Variants in SYT9 observed in about 807,000 individuals in gnomAD.
SYT9 encodes synaptotagmin 9.
SYT9 carries 22 observed loss-of-function variants against 48.4 expected under a neutral mutation model. The observed-to-expected ratio is 0.45, with a 90% CI of 0.32 to 0.65. SYT9 has a LOEUF of 0.65. SYT9 is among the 30% of genes least tolerant of loss of function. SYT9 has a pLI of 0.03. For synonymous variants in SYT9, 265 were observed against 245.0 expected, an observed-to-expected ratio of 1.08 and a Z score of -0.76; for missense variants, 577 against 622.0, an observed-to-expected ratio of 0.93 and a Z score of 0.77.
At chr11:7,240,543 C>T (rs942179167) in intron 1 of SYT9, among the ~76,000 whole-genome samples, 5 of 152,136 alleles carry the variant, frequency 3.3e-5, no homozygotes, top group South Asian at 4.1e-4. Context: ...GCTTTGAATA[C>T]GTCTTCTAGC....
chr11:7,444,777 T>C (rs1212035586), intron 6 of SYT9, among the ~76,000 whole-genome samples: 3 of 152,074 alleles, frequency 2.0e-5, no homozygotes, highest in Non-Finnish European at 2.9e-5. Flanking sequence ...AGCTGGGACT[T>C]TGCCTTTGAT....
chr11:7,313,679 A>C lies in SYT9; in HGVS notation c.782A>C (p.Lys261Thr). 1 of 1,614,224 alleles carries C rather than the reference A, an allele frequency of 6.2e-7. No individual in the cohort carries two copies. The highest frequency in any genetic ancestry group is 8.5e-7 in the Non-Finnish European group (1 of 1,180,026). ...TCTGGGACTTCAGATCCTTATGTCA[A>C]GATCTATTTGCTTCCTGATCGGAAA... ...DFSGTSDPYV[K>T]IYLLPDRKTK... The change falls in exon 3 of 7, where the codon AAG (lysine) becomes ACG (threonine). Residue 261 changes from lysine (K) to threonine (T), a missense_variant. Transcript: ENST00000318881.
Position 7,406,682 on chromosome 11 carries a change from CGGATTTCCTTTCCTTTGGT to C in SYT9, c.1045-9359_1045-9341del, listed in dbSNP as rs914571896. Among the ~76,000 whole-genome samples the C allele has an allele frequency of 3.3e-5, 5 of 151,928 alleles. 1 individual carries two copies. Among genetic ancestry groups the C allele is most frequent in the Non-Finnish European group, 7.4e-5 (5 of 67,956 alleles). On this transcript the variant is annotated intron_variant, in intron 3 of 6. Coordinates refer to ENST00000318881, the MANE Select transcript of SYT9 (RefSeq NM_175733.4). ...CAAGTGCAGGTATCCCTCTGATACA[CGGATTTCCTTTCCTTTGGT>C]TAAATACCTGGTAGTGGCATTGCTG...
At chr11:7,390,648 G>T (rs1026158849) in intron 3 of SYT9, among the ~76,000 whole-genome samples, 1 of 152,110 alleles carries the variant, frequency 6.6e-6, no homozygotes, top group Non-Finnish European at 1.5e-5. Context: ...ATAGAAATTT[G>T]TCCCCTATGA....
chr11:7,390,206 C>G (rs1238909786), intron 3 of SYT9, among the ~76,000 whole-genome samples: 1 of 152,174 alleles, frequency 6.6e-6, no homozygotes, highest in Non-Finnish European at 1.5e-5. Context: ...CATTGTTCAA[C>G]TCCCACTTAT....
chr11:7,436,219 G>A (rs1847706609), intron 6 of SYT9, among the ~76,000 whole-genome samples: 2 of 152,190 alleles, frequency 1.3e-5, no homozygotes, highest in African/African-American at 4.8e-5. Flanking sequence ...GTGCTGCTGA[G>A]CAGGACATGC....
intron 3 of SYT9, among the ~76,000 whole-genome samples, chr11:7,328,157 C>A (rs186924888): frequency 6.6e-6 from 1 of 151,348 alleles, no homozygotes; most frequent in African/African-American, 2.4e-5. Flanking sequence ...TTTTAACTTA[C>A]AAATTTCCTA....
At chr11:7,415,686 T>C (rs16926139) in intron 3 of SYT9, among the ~76,000 whole-genome samples, 11,122 of 151,632 alleles carry the variant, frequency 0.073, 1,315 homozygotes, top group African/African-American at 0.25. Flanking sequence ...CATAGGGGAG[T>C]CTGTGGAGGA....
At chr11:7,412,161 T>C (rs1412916907) in intron 3 of SYT9, among the ~76,000 whole-genome samples, 1 of 152,260 alleles carries the variant, frequency 6.6e-6, no homozygotes, top group Non-Finnish European at 1.5e-5. Flanking sequence ...GTAATTTGAA[T>C]TATTTACCCA....
chr11:7,406,024 C>T (rs193064500), intron 3 of SYT9, among the ~76,000 whole-genome samples: 23 of 152,200 alleles, frequency 1.5e-4, no homozygotes, highest in African/African-American at 5.5e-4. Context: ...TCTTATAGAG[C>T]TTACATTCCT....
At chr11:7,274,341 A>G (rs1387724766) in intron 1 of SYT9, among the ~76,000 whole-genome samples, 10 of 130,862 alleles carry the variant, frequency 7.6e-5, no homozygotes, top group Non-Finnish European at 1.6e-4. Context: ...TTTTTTTGAC[A>G]GAGTCTTACT....
chr11:7,343,027 G>A (rs921252344), intron 3 of SYT9, among the ~76,000 whole-genome samples: 18 of 152,288 alleles, frequency 1.2e-4, no homozygotes, highest in African/African-American at 4.3e-4. Context: ...GGGATGTAGG[G>A]CACCAAGTCT....
intron 3 of SYT9, among the ~76,000 whole-genome samples, chr11:7,404,890 A>C (rs888030069): frequency 1.3e-5 from 2 of 152,198 alleles, no homozygotes; most frequent in African/African-American, 4.8e-5. Flanking sequence ...TACAGATCAC[A>C]GAAAGAGTTT....
chr11:7,335,519 A>C (rs780194873), intron 3 of SYT9, among the ~76,000 whole-genome samples: 1 of 151,808 alleles, frequency 6.6e-6, no homozygotes, highest in Non-Finnish European at 1.5e-5. Flanking sequence ...CTTTGTGTCC[A>C]TGTGTTCTCA....
intron 3 of SYT9, among the ~76,000 whole-genome samples, chr11:7,321,148 A>G (rs183490732): frequency 6.6e-6 from 1 of 152,322 alleles, no homozygotes; most frequent in East Asian, 1.9e-4. Flanking sequence ...TGACAGTAGA[A>G]GTAATGAATT....
intron 1 of SYT9, among the ~76,000 whole-genome samples, chr11:7,284,914 C>A (rs1285033292): frequency 6.6e-6 from 1 of 152,078 alleles, no homozygotes; most frequent in Non-Finnish European, 1.5e-5. Context: ...TATGGGTGAA[C>A]CTTTTGCTCC....
intron 3 of SYT9, among the ~76,000 whole-genome samples, chr11:7,329,307 G>A (rs1382090906): frequency 6.6e-6 from 1 of 152,054 alleles, no homozygotes; most frequent in African/African-American, 2.4e-5. Context: ...TTTCCAATTA[G>A]TACTTAATAA....
At chr11:7,438,022 A>G (rs1208456068) in intron 6 of SYT9, 2 of 152,228 alleles carry the variant, frequency 1.3e-5, no homozygotes, top group East Asian at 3.8e-4. Flanking sequence ...CTGTGGACAG[A>G]GAGATGTAGA....
At chr11:7,304,945 A>G (rs1206038400) in intron 2 of SYT9, among the ~76,000 whole-genome samples, 2 of 152,178 alleles carry the variant, frequency 1.3e-5, no homozygotes, top group Non-Finnish European at 2.9e-5. Context: ...TTCTGGTCTG[A>G]GTTCCTCCAA....
Sources: gnomAD v4.1 joint callset for allele counts (sites outside exome capture counted in the v4.1 genomes callset) on GRCh38, gnomAD v4.1.1 for gene constraint, MANE v1.5 for transcripts, NCBI Gene and HGNC (gene_info 2026-07-23, HGNC 2026-07-21) for gene names.